Variants in MGST2 observed in about 807,000 individuals in gnomAD.
The protein encoded by MGST2 is microsomal glutathione S-transferase 2.
Under a neutral mutation model 16.6 loss-of-function variants are expected in MGST2, and 9 were observed. That is an observed-to-expected ratio of 0.54 (90% CI 0.33 to 0.95). MGST2 has a LOEUF of 0.95. Ranked by LOEUF, MGST2 falls within the 40% of genes least tolerant of loss-of-function variation. MGST2 has a pLI of 0.03. For synonymous variants in MGST2, 79 were observed against 68.0 expected (o/e 1.16, Z -0.79); for missense variants, 159 against 175.1 (o/e 0.91, Z 0.52).
intron 5 of MGST2, chr4:139,716,932 G>A (rs1270044678): frequency 6.6e-6 from 1 of 152,510 alleles, no homozygotes; most frequent in African/African-American, 2.4e-5. Context: ...AGTTGCCAGA[G>A]GTCATACAGT....
chr4:139,692,276 T>A (rs1403771496), intron 2 of MGST2, among the ~76,000 whole-genome samples: 1 of 152,216 alleles, frequency 6.6e-6, no homozygotes, highest in Admixed American at 6.5e-5. Flanking sequence ...TGCAATCACA[T>A]CCTTGCCTAA....
At chr4:139,733,767 C>G (rs1728818241) in intron 5 of MGST2, among the ~76,000 whole-genome samples, 1 of 152,160 alleles carries the variant, frequency 6.6e-6, no homozygotes, top group Non-Finnish European at 1.5e-5. Context: ...TCACTGCAAC[C>G]TCCAACTCCT....
At chr4:139,726,647 A>G (rs1728484175) in intron 5 of MGST2, among the ~76,000 whole-genome samples, 1 of 150,826 alleles carries the variant, frequency 6.6e-6, no homozygotes, top group Admixed American at 6.6e-5. Context: ...TCTTATTCCC[A>G]TGAAGCCACA....
At chr4:139,724,052 A>G (rs973081012) in intron 5 of MGST2, among the ~76,000 whole-genome samples, 1 of 152,220 alleles carries the variant, frequency 6.6e-6, no homozygotes, top group African/African-American at 2.4e-5. Context: ...GAAGCTACCC[A>G]TGGCAAAATT....
intron 5 of MGST2, among the ~76,000 whole-genome samples, chr4:139,723,616 T>A (rs980235958): frequency 3.3e-5 from 5 of 152,154 alleles, no homozygotes; most frequent in Non-Finnish European, 7.4e-5. Flanking sequence ...CTGCCTGGAA[T>A]AGAAGTTTTT....
chr4:139,708,905 G>A (rs189795178), downstream of MGST2, among the ~76,000 whole-genome samples: 29 of 150,880 alleles, frequency 1.9e-4, no homozygotes, highest in East Asian at 5.5e-3. Context: ...TGGAGGCTGA[G>A]GCAGGAGAAT....
downstream of MGST2, among the ~76,000 whole-genome samples, chr4:139,744,723 G>C (rs1457690997): frequency 6.6e-6 from 1 of 152,180 alleles, no homozygotes; most frequent in Non-Finnish European, 1.5e-5. Context: ...CTGTCCTGGA[G>C]GGAGACTGAA....
chr4:139,691,673 G>T (rs57609492), intron 2 of MGST2, among the ~76,000 whole-genome samples: 332 of 125,876 alleles, frequency 2.6e-3, no homozygotes, highest in African/African-American at 0.013. Flanking sequence ...GTCAGATGAT[G>T]ATGATGATGA....
rs1475651166 is a variant in MGST2 at position 139,702,855 on chromosome 4, T to TTTTTTTTTTTTTTG, written c.230-587_230-586insGTTTTTTTTTTTTT. Among the ~76,000 whole-genome samples the TTTTTTTTTTTTTTG allele has an allele frequency of 4.3e-5, 6 of 137,952 alleles. No homozygotes were observed. The East Asian group carries it at 8.1e-4, about 19-fold the overall frequency. 90.5% of individuals were successfully genotyped at this position (137,952 alleles called of 152,430 possible). Reference sequence around the variant, plus strand: ...ATTTTGTGTTACTGGTTTTTTTTTTTTTTTTTTTTTTTTTTACAATTTTAG... The same window carrying TTTTTTTTTTTTTTG: ...ATTTTGTGTTACTGGTTTTTTTTTTTTTTTTTTTTTTTTGTTTTTTTTTTTTTTTACAATTTTAG... On this transcript the variant is annotated intron_variant, in intron 3 of 4. Transcript: ENST00000265498.
chr4:139,738,328 G>C (rs147994485), intron 5 of MGST2, among the ~76,000 whole-genome samples: 33 of 152,354 alleles, frequency 2.2e-4, no homozygotes, highest in African/African-American at 6.7e-4. Flanking sequence ...TGGATCACCT[G>C]AGGTCAGGAG....
In MGST2 at chr4:139,678,656, C is replaced by T. The variant is rs1213494635; in HGVS notation, c.158+14C>T. The T allele has an allele frequency of 1.9e-6, 3 of 1,576,740 alleles. No individual in the cohort carries two copies. The highest frequency in any genetic ancestry group is 4.5e-5 in the East Asian group (2 of 44,708). On this transcript the variant is annotated intron_variant, in intron 2 of 4. Transcript: ENST00000265498. The stretch of plus-strand genomic sequence containing the variant: ...ATTTCGGGCACAGTAAGTAATGCTT[C>T]TTCCACCCTTCATGGATCTGTGCCT...
intron 5 of MGST2, among the ~76,000 whole-genome samples, chr4:139,714,951 A>G (rs930193170): frequency 2.0e-5 from 3 of 152,218 alleles, no homozygotes; most frequent in African/African-American, 7.2e-5. Context: ...CATAGCCATC[A>G]GCAAAGTACA....
At chr4:139,747,267 C>T in the MGST2 span, among the ~76,000 whole-genome samples, 1 of 152,240 alleles carries the variant, frequency 6.6e-6, no homozygotes, top group East Asian at 1.9e-4. Flanking sequence ...TTTGTGGCGC[C>T]GGTGGGAGGA....
chr4:139,706,717 G>A (rs1424855218), downstream of MGST2, among the ~76,000 whole-genome samples: 1 of 152,032 alleles, frequency 6.6e-6, no homozygotes, highest in Non-Finnish European at 1.5e-5. Context: ...TTAAACACGT[G>A]GAAATAAGCT....
chr4:139,750,069 G>A, the MGST2 span, among the ~76,000 whole-genome samples: 1 of 152,136 alleles, frequency 6.6e-6, no homozygotes, highest in Admixed American at 6.5e-5. Flanking sequence ...ACACAGCCGT[G>A]AAACACACAA....
At chr4:139,696,348 T>C (rs1252334397) in intron 3 of MGST2, among the ~76,000 whole-genome samples, 1 of 152,242 alleles carries the variant, frequency 6.6e-6, no homozygotes, top group African/African-American at 2.4e-5. Flanking sequence ...TCTTCCACTG[T>C]TACGTTTAGT....
chr4:139,680,152 C>T (rs1037501203), intron 2 of MGST2, among the ~76,000 whole-genome samples: 1 of 152,174 alleles, frequency 6.6e-6, no homozygotes, highest in African/African-American at 2.4e-5. Flanking sequence ...TTTCATGCTC[C>T]TTTACTTCTT....
chr4:139,719,548 G>A (rs1232453482), intron 5 of MGST2: 4 of 1,613,842 alleles, frequency 2.5e-6, no homozygotes, highest in Non-Finnish European at 3.4e-6. Context: ...GCTGTGCTGG[G>A]GGCTGGCTGA....
At position 139,704,020 on chromosome 4, in the gene MGST2, A is replaced by G; in HGVS notation, c.316A>G (p.Thr106Ala). 6.2e-7 allele frequency: 1 copy of G among 1,614,070 alleles called. No homozygotes were observed. Among genetic ancestry groups the G allele is most frequent in the Non-Finnish European group, 8.5e-7 (1 of 1,180,006 alleles). Residue 106 changes from threonine (T) to alanine (A), a missense_variant, in exon 5 of 5, where the codon ACC (threonine) becomes GCC (alanine). By Grantham distance (58) the Thr-to-Ala change is moderately conservative (BLOSUM62 0). Transcript: ENST00000265498. The part of the protein sequence containing the change: ...GYSEAAKKRI[T>A]GFRLSLGILA... ...TCCCTCATGTCCACTCTGCAGGATC[A>G]CCGGTTTCCGACTGAGTCTGGGGAT... is the stretch of plus-strand genomic sequence containing the variant.
Sources: gnomAD v4.1 joint callset for allele counts (sites outside exome capture counted in the v4.1 genomes callset) on GRCh38, gnomAD v4.1.1 for gene constraint, MANE v1.5 for transcripts, NCBI Gene and HGNC (gene_info 2026-07-23, HGNC 2026-07-21) for gene names.